ZNF266: variants seen among roughly 807,000 people sequenced by gnomAD.
ZNF266 encodes zinc finger protein 266, also known as zinc finger protein 1.
Under a neutral mutation model 16.4 loss-of-function variants are expected in ZNF266, and 16 were observed. That is an observed-to-expected ratio of 0.98 (90% CI 0.66 to 1.48). The LOEUF (loss-of-function observed/expected upper bound fraction) is 1.48. ZNF266 is among the 40% of genes most tolerant of loss of function. ZNF266 has a pLI of 0.00. For missense variants in ZNF266, 738 were observed against 689.1 expected (o/e 1.07, Z -0.79); for synonymous variants, 262 against 237.9 (o/e 1.10, Z -0.93).
intron 8 of ZNF266, among the ~76,000 whole-genome samples, chr19:9,418,289 G>A (rs1568408686): frequency 6.6e-6 from 1 of 152,170 alleles, no homozygotes; most frequent in East Asian, 1.9e-4. Context: ...TATGTCAAAG[G>A]TGGAGACTGA....
intron 5 of ZNF266, among the ~76,000 whole-genome samples, chr19:9,426,882 T>C (rs1009579355): frequency 3.3e-5 from 5 of 152,196 alleles, no homozygotes; most frequent in Admixed American, 3.3e-4. Context: ...AAATCTCCCA[T>C]TGTCATAGTA....
chr19:9,424,437 C>T (rs573293023), intron 5 of ZNF266, among the ~76,000 whole-genome samples: 9 of 152,036 alleles, frequency 5.9e-5, no homozygotes, highest in African/African-American at 1.7e-4. Flanking sequence ...GGACTCTGGG[C>T]GAACGAAGAT....
chr19:9,415,556 G>T, intron 10 of ZNF266, 98 bp downstream of exon 10: 2 of 1,023,816 alleles, frequency 2.0e-6, no homozygotes, highest in Non-Finnish European at 2.9e-6. Flanking sequence ...GGGATTACAG[G>T]TGTGAGCCAC....
intron 5 of ZNF266, among the ~76,000 whole-genome samples, chr19:9,428,237 T>C (rs1342311383): frequency 6.6e-6 from 1 of 152,202 alleles, no homozygotes; most frequent in African/African-American, 2.4e-5. Flanking sequence ...CACTGTGCTC[T>C]AGGTCAGGGA....
chr19:9,421,178 T>C (rs2123066540), intron 5 of ZNF266, among the ~76,000 whole-genome samples: 1 of 152,300 alleles, frequency 6.6e-6, no homozygotes, highest in Middle Eastern at 3.4e-3. Flanking sequence ...CAGTTCATTA[T>C]CCATGAACCA....
intron 9 of ZNF266, among the ~76,000 whole-genome samples, chr19:9,416,748 T>C (rs1180979899): frequency 6.9e-6 from 1 of 144,266 alleles, no homozygotes; most frequent in Non-Finnish European, 1.5e-5. Context: ...CTTGGCTCAT[T>C]GCAACCTTCG....
At chr19:9,415,225 G>A (rs1030971762) in intron 10 of ZNF266, among the ~76,000 whole-genome samples, 4 of 152,194 alleles carry the variant, frequency 2.6e-5, no homozygotes, top group African/African-American at 7.2e-5. Flanking sequence ...AACCCAGGAG[G>A]TGGAGGTTGC....
At chr19:9,434,974 T>C (rs1157958346) in intron 2 of ZNF266, 115 bp from the exon 3 acceptor site, 1 of 152,076 alleles carries the variant, frequency 6.6e-6, no homozygotes, top group Non-Finnish European at 1.5e-5. Context: ...CCCAGATACC[T>C]AAAAAATAGC....
chr19:9,431,536 T>C (rs1039834898), intron 5 of ZNF266, among the ~76,000 whole-genome samples: 2 of 152,224 alleles, frequency 1.3e-5, no homozygotes, highest in African/African-American at 4.8e-5. Flanking sequence ...AAATTTCCTG[T>C]GCATAGCTGC....
intron 5 of ZNF266, among the ~76,000 whole-genome samples, chr19:9,432,642 A>C (rs1318745163): frequency 2.0e-5 from 3 of 152,210 alleles, no homozygotes; most frequent in Non-Finnish European, 4.4e-5. Flanking sequence ...ACATCACTAA[A>C]CTTCTAAATA....
At position 9,413,770 on chromosome 19, in the gene ZNF266, A is replaced by G. The variant is rs1309923026; in HGVS notation, c.1356T>C (p.Cys452=). The change falls in exon 11 of 11, where the codon TGT becomes TGC. Residue 452 remains cysteine (C), a synonymous_variant. Coordinates refer to ENST00000592904, the MANE Select transcript of ZNF266 (RefSeq NM_001370374.1). The part of the protein sequence containing the change: ...SGERPYECKE[C]GKAFARSSRL... ...GAGAGGATCTGGCAAAGGCCTTTCC[A>G]CATTCCTTACATTCATAGGGCCTCT... 5 of 1,613,930 alleles carry G rather than the reference A, an allele frequency of 3.1e-6. No individual in the cohort carries two copies. The highest frequency in any genetic ancestry group is 1.3e-5 in the African/African-American group (1 of 74,884).
intron 5 of ZNF266, among the ~76,000 whole-genome samples, chr19:9,421,951 C>T (rs926919653): frequency 3.9e-5 from 6 of 152,130 alleles, no homozygotes; most frequent in East Asian, 1.9e-4. Flanking sequence ...TCCAGGTTCA[C>T]GCCATTCTCC....
At position 9,417,887 on chromosome 19, in the gene ZNF266, C is replaced by A; in HGVS notation, c.257G>T (p.Ser86Ile). The A allele has an allele frequency of 3.1e-6, 5 of 1,614,110 alleles. No individual in the cohort carries two copies. Among genetic ancestry groups the A allele is most frequent in the Non-Finnish European group, 4.2e-6 (5 of 1,179,992 alleles). Residue 86 changes from serine (S) to isoleucine (I), a missense_variant, in exon 9 of 11, where the codon AGT (serine) becomes ATT (isoleucine). By Grantham distance (142) the Ser-to-Ile change is moderately radical. Coordinates refer to ENST00000592904, the MANE Select transcript of ZNF266 (RefSeq NM_001370374.1). ...ATVGYQLFKP[S>I]LISWLEQEES... ...TTCTTGTTCCAGCCAAGAGATCAGA[C>A]TGGGTTTGAAGAGCTGATATCCTGT...
At chr19:9,423,447 C>G (rs2070229964) in intron 5 of ZNF266, among the ~76,000 whole-genome samples, 1 of 152,172 alleles carries the variant, frequency 6.6e-6, no homozygotes, top group Non-Finnish European at 1.5e-5. Context: ...TCTAAACAAG[C>G]AAAGCATTTC....
At chr19:9,424,643 G>C (rs1004712766) in intron 5 of ZNF266, among the ~76,000 whole-genome samples, 14 of 152,114 alleles carry the variant, frequency 9.2e-5, no homozygotes, top group African/African-American at 3.1e-4. Flanking sequence ...ATATCCATGT[G>C]TTTATTTATT....
At chr19:9,422,525 C>G (rs2070083049) in intron 5 of ZNF266, among the ~76,000 whole-genome samples, 1 of 152,188 alleles carries the variant, frequency 6.6e-6, no homozygotes, top group Non-Finnish European at 1.5e-5. Flanking sequence ...TGTCTGCATA[C>G]CAAAGACTGG....
rs1423433005 is a variant in ZNF266 at position 9,413,728 on chromosome 19, T to C, written c.1398A>G (p.Thr466=). 1 of 1,614,140 alleles carries C rather than the reference T, an allele frequency of 6.2e-7. No homozygotes were observed. Among genetic ancestry groups the C allele is most frequent in the South Asian group, 1.1e-5 (1 of 91,088 alleles). ...FARSSRLSEH[T]RTHTGEKPFE... ...AAGGCTTCTCTCCAGTGTGAGTTCT[T>C]GTATGTTCACTAAGGCGAGAGGATC... is the stretch of plus-strand genomic sequence containing the variant. The change falls in exon 11 of 11, where the codon ACA becomes ACG. Residue 466 remains threonine, a synonymous_variant. Transcript: ENST00000592904.
chr19:9,425,779 G>A (rs1018009353), intron 5 of ZNF266, among the ~76,000 whole-genome samples: 2 of 152,154 alleles, frequency 1.3e-5, no homozygotes, highest in South Asian at 4.1e-4. Context: ...CCTTAAGAGG[G>A]CAAGAGGGGC....
chr19:9,425,549 G>C (rs763941257), intron 5 of ZNF266, among the ~76,000 whole-genome samples: 1 of 152,274 alleles, frequency 6.6e-6, no homozygotes, highest in Middle Eastern at 3.4e-3. Flanking sequence ...ACAACCTGAG[G>C]GACACAAGAC....
Sources: allele counts gnomAD v4.1 joint callset (sites outside exome capture counted in the v4.1 genomes callset), GRCh38; gene constraint gnomAD v4.1.1; transcripts MANE v1.5; gene names NCBI Gene and HGNC (gene_info 2026-07-23, HGNC 2026-07-21).